The following ARID3A variants were observed in gnomAD, a reference collection of about 807,000 sequenced individuals.
ARID3A encodes the protein AT-rich interactive domain-containing protein 3A.
A neutral mutation model predicts 52.7 loss-of-function variants in ARID3A; 11 were observed. The observed-to-expected ratio is 0.21, with a 90% CI of 0.13 to 0.35. The LOEUF (loss-of-function observed/expected upper bound fraction) is 0.35, where lower values mean the gene tolerates loss of function less well. Among genes scored for constraint, ARID3A ranks in the 10% least tolerant of loss-of-function variants. The probability of loss-of-function intolerance (pLI) is 1.00; values close to 1 mark genes in which losing one functional copy is unlikely to be tolerated. For synonymous variants in ARID3A, 404 were observed against 359.4 expected (o/e 1.12, Z -1.40); for missense variants, 721 against 838.5 (o/e 0.86, Z 1.73).
chr19:966,578 A>T lies in ARID3A; in HGVS notation c.1205A>T (p.Asp402Val), dbSNP rs1391347278. Residue 402 changes from aspartate to valine, a missense_variant, in exon 7 of 9, where the codon GAC becomes GTC. Around this residue, in one of 5 missense-constraint regions of ARID3A, gnomAD observed 297 missense variants for 343.2 expected, o/e 0.87. Transcript: ENST00000263620. ...CCCCTTTTTTCCTACCTAGAGGAGG[A>T]CTCAGCCATCCCCATCACAGTCCCT... ...TPAPKIKKEE[D>V]SAIPITVPGR... 1 of 1,544,816 alleles carries T rather than the reference A, an allele frequency of 6.5e-7. No individual in the cohort carries two copies. Among genetic ancestry groups the T allele is most frequent in the Non-Finnish European group, 8.8e-7 (1 of 1,142,548 alleles).
intron 3 of ARID3A, among the ~76,000 whole-genome samples, chr19:933,388 G>A (rs572934814): frequency 1.4e-4 from 21 of 152,280 alleles, no homozygotes; most frequent in African/African-American, 3.9e-4. Flanking sequence ...GTGGCCGGGC[G>A]GGGGATGCTT....
Position 932,614 on chromosome 19 carries a change from C to T in ARID3A, c.565C>T (p.Pro189Ser). 1 of 1,522,822 alleles carries T rather than the reference C, an allele frequency of 6.6e-7. No individual in the cohort carries two copies. Among genetic ancestry groups the T allele is most frequent in the Non-Finnish European group, 8.8e-7 (1 of 1,137,268 alleles). 94.3% of individuals were successfully genotyped at this position (1,522,822 alleles called of 1,614,324 possible). A position where few individuals can be genotyped will look rare whatever the true frequency, so the allele number is the denominator to read the frequency against. ...CCAGGCCTTCCGCGGCGATGGCGTT[C>T]CCAGGGTGCTGGGGGGCCAGGAGCG... is the stretch of plus-strand genomic sequence containing the variant. ...PPQAFRGDGV[P>S]RVLGGQERPG... Residue 189 changes from proline to serine, a missense_variant, in exon 3 of 9, where the codon CCC becomes TCC. Pro to Ser is a moderately conservative substitution (Grantham distance 74, BLOSUM62 -1). This residue lies in a region of ARID3A where 349 missense variants were observed against 297.3 expected (regional missense o/e 1.17). Transcript: ENST00000263620.
At position 941,446 on chromosome 19, in the gene ARID3A, G is replaced by A. The variant is rs1483468377; in HGVS notation, c.693+8704G>A. On this transcript the variant is annotated intron_variant, in intron 3 of 8. Coordinates refer to ENST00000263620, the MANE Select transcript of ARID3A (RefSeq NM_005224.3). This position sits in a 1 kb window ranked among gnomAD's most constrained non-coding sequence, Gnocchi z 6.9. The stretch of plus-strand genomic sequence containing the variant: ...AGCGGCACCTCACGCGCCCGCCTGC[G>A]TGTCCCCAGCCAGCACCACGGTGTT... 1.3e-5 allele frequency among the ~76,000 whole-genome samples: 2 copies of A among 152,334 alleles called. No homozygotes were observed. The highest frequency in any genetic ancestry group is 3.4e-3 in the Middle Eastern group (1 of 294).
intron 8 of ARID3A, 90 bp from the exon 9 acceptor site, chr19:971,788 T>C: frequency 1.4e-6 from 2 of 1,452,882 alleles, no homozygotes; most frequent in African/African-American, 1.5e-5. Flanking sequence ...GAGAAGTTTA[T>C]TCCCCGGAGC....
rs1392019391 is a variant in ARID3A, at chr19:973,416, T to G, written c.*1351T>G. 1.0e-5 allele frequency: 2 copies of G among 195,376 alleles called. No individual in the cohort carries two copies. The highest frequency in any genetic ancestry group is 2.1e-5 in the Non-Finnish European group (2 of 93,996). The allele number at this position is 195,376 out of a possible 1,614,324, so 12.1% of individuals were successfully genotyped here. A position where few individuals can be genotyped will look rare whatever the true frequency, so the allele number is the denominator to read the frequency against. On this transcript the variant is annotated 3_prime_UTR_variant, in exon 9 of 9. Coordinates refer to ENST00000263620, the MANE Select transcript of ARID3A (RefSeq NM_005224.3). Reference sequence around the variant, plus strand: ...GGCATGAGCCGCCACGCTGGCCCGGTCTGGAAATCTTATCTAAAAAGTAGC... The same window carrying G: ...GGCATGAGCCGCCACGCTGGCCCGGGCTGGAAATCTTATCTAAAAAGTAGC...
intron 8 of ARID3A, among the ~76,000 whole-genome samples, chr19:971,093 G>T (rs891552318): frequency 9.2e-5 from 14 of 152,222 alleles, no homozygotes; most frequent in Non-Finnish European, 1.3e-4. Context: ...TGTGCACGCT[G>T]ATGTGCATGT....
chr19:957,345 G>T (rs1208481377), intron 3 of ARID3A, among the ~76,000 whole-genome samples: 2 of 152,180 alleles, frequency 1.3e-5, no homozygotes, highest in African/African-American at 2.4e-5. Flanking sequence ...GGGGCTCTGG[G>T]CCAAGTCCCC....
In ARID3A at chr19:964,508, A is replaced by G. The variant is rs2038106078; in HGVS notation, c.950+77A>G. 29 of 1,405,178 alleles carry G rather than the reference A, an allele frequency of 2.1e-5. No individual in the cohort carries two copies. Among genetic ancestry groups the G allele is most frequent in the Admixed American group, 4.3e-5 (2 of 45,990 alleles). 87.0% of individuals were successfully genotyped at this position (1,405,178 alleles called of 1,614,324 possible). ...AGTGCAAGGGGCCTGCAGAAGAGGGAGGGGGTGGTGGGCAGCTGCAGAGGA... is the reference window on the plus strand; with the variant it reads ...AGTGCAAGGGGCCTGCAGAAGAGGGGGGGGGTGGTGGGCAGCTGCAGAGGA... On this transcript the variant is annotated intron_variant, in intron 5 of 8. Coordinates refer to ENST00000263620, the MANE Select transcript of ARID3A (RefSeq NM_005224.3). This position sits in a 1 kb window ranked among gnomAD's most constrained non-coding sequence, Gnocchi z 5.7.
At position 964,808 on chromosome 19, in the gene ARID3A, T is replaced by A; in HGVS notation, c.951-25T>A. The A allele has an allele frequency of 6.2e-7, 1 of 1,604,844 alleles. No individual in the cohort carries two copies. Among genetic ancestry groups the A allele is most frequent in the Non-Finnish European group, 8.5e-7 (1 of 1,173,054 alleles). On this transcript the variant is annotated intron_variant, in intron 5 of 8. Transcript: ENST00000263620. This position sits in a 1 kb window ranked among gnomAD's most constrained non-coding sequence, Gnocchi z 5.7. ...AGCCGTAGGGGTGACCCGGGTGCCA[T>A]CCTCTTCCCTCGTCCCACCCACAGA...
chr19:966,960 T>G, intron 7 of ARID3A, 92 bp downstream of exon 7: 1 of 1,310,232 alleles, frequency 7.6e-7, no homozygotes, highest in Non-Finnish European at 9.8e-7. Flanking sequence ...TGCCAACAAA[T>G]CAATAAGAAA....
intron 6 of ARID3A, among the ~76,000 whole-genome samples, chr19:966,056 G>C (rs1386662500): frequency 6.6e-6 from 1 of 151,480 alleles, no homozygotes; most frequent in African/African-American, 2.4e-5. Flanking sequence ...AGCTACTCAG[G>C]AGACTGAGGC....
chr19:962,677 GC>G (rs1470279165), intron 4 of ARID3A, among the ~76,000 whole-genome samples: 1 of 152,020 alleles, frequency 6.6e-6, no homozygotes, highest in East Asian at 1.9e-4. Flanking sequence ...ACCACGCCCG[GC>G]TAATTTTTGT....
At chr19:951,188 C>T (rs1330339372) in intron 3 of ARID3A, among the ~76,000 whole-genome samples, 1 of 152,068 alleles carries the variant, frequency 6.6e-6, no homozygotes. Context: ...AACTCCTGGG[C>T]TCAAGTGATC....
chr19:963,552 G>A (rs887609613), intron 4 of ARID3A, among the ~76,000 whole-genome samples: 7 of 152,164 alleles, frequency 4.6e-5, no homozygotes, highest in Non-Finnish European at 7.4e-5. Flanking sequence ...GGGCGGGGAG[G>A]GGCCACGTCT....
chr19:953,527 T>C (rs1156626705), intron 3 of ARID3A, among the ~76,000 whole-genome samples: 1 of 151,938 alleles, frequency 6.6e-6, no homozygotes, highest in East Asian at 1.9e-4. Flanking sequence ...CCACAGCGTC[T>C]TCCCTCCATC....
intron 3 of ARID3A, among the ~76,000 whole-genome samples, chr19:939,351 T>A (rs2037499158): frequency 6.6e-6 from 1 of 152,108 alleles, no homozygotes; most frequent in Non-Finnish European, 1.5e-5. Context: ...ATTCCTGACC[T>A]CGTGATCTGC....
intron 3 of ARID3A, among the ~76,000 whole-genome samples, chr19:952,334 C>G (rs1187170677): frequency 6.9e-6 from 1 of 145,816 alleles, no homozygotes; most frequent in Non-Finnish European, 1.5e-5. Context: ...CCCAACTACT[C>G]CAGAGGCTGA....
rs1341923810 is a variant in ARID3A, at chr19:960,734, G to T, written c.766+570G>T. On this transcript the variant is annotated intron_variant, in intron 4 of 8. Coordinates refer to ENST00000263620, the MANE Select transcript of ARID3A (RefSeq NM_005224.3). This position sits in a 1 kb window ranked among gnomAD's most constrained non-coding sequence, Gnocchi z 4.3. The stretch of plus-strand genomic sequence containing the variant: ...AAACAGTCCCTGCCCAAAACTCAGT[G>T]GCCAGCAGGTACCCCAGATGTGCTG... Among the ~76,000 whole-genome samples, 1 of 152,170 alleles carries T rather than the reference G, an allele frequency of 6.6e-6. No individual in the cohort carries two copies. The highest frequency in any genetic ancestry group is 1.9e-4 in the East Asian group (1 of 5,186).
rs577952386 is a variant in ARID3A at position 941,241 on chromosome 19, T to A, written c.693+8499T>A. On this transcript the variant is annotated intron_variant, in intron 3 of 8. Transcript: ENST00000263620. The surrounding 1 kb of genome is among the most constrained non-coding windows in gnomAD (Gnocchi z 6.9). Reference sequence around the variant, plus strand: ...ATGGGCGTGGTGAGCCGCCGTGGCGTGCGTGCGAGTGTGCACGCTGGGGCT... The same window carrying A: ...ATGGGCGTGGTGAGCCGCCGTGGCGAGCGTGCGAGTGTGCACGCTGGGGCT... Among the ~76,000 whole-genome samples, 168 of 152,320 alleles carry A rather than the reference T, an allele frequency of 1.1e-3. 1 individual carries two copies. Among genetic ancestry groups the A allele is most frequent in the African/African-American group, 3.8e-3 (159 of 41,580 alleles).
Sources: gnomAD v4.1 joint callset for allele counts (sites outside exome capture counted in the v4.1 genomes callset) on GRCh38, gnomAD v4.1.1 for gene constraint, gnomAD v4.1.1 regional missense constraint, Gnocchi (gnomAD v3.1) non-coding constraint, MANE v1.5 for transcripts, NCBI Gene and HGNC (gene_info 2026-07-23, HGNC 2026-07-21) for gene names.